Variants in ARIH1 observed in about 807,000 individuals in gnomAD.
The protein encoded by ARIH1 is E3 ubiquitin-protein ligase ARIH1.
Under a neutral mutation model 85.0 loss-of-function variants are expected in ARIH1, and 8 were observed. The ratio of observed to expected loss-of-function variants is 0.09; its 90% CI spans 0.06 to 0.17. The LOEUF is 0.17. Among genes scored for constraint, ARIH1 ranks in the 10% least tolerant of loss-of-function variants. ARIH1 has a pLI of 1.00. For synonymous variants in ARIH1, 238 were observed against 253.6 expected (o/e 0.94, Z 0.59); for missense variants, 311 against 718.1 (o/e 0.43, Z 6.48).
chr15:72,570,441 T>A, intron 10 of ARIH1, 134 bp downstream of exon 10: 1 of 1,143,492 alleles, frequency 8.7e-7, no homozygotes, highest in South Asian at 1.6e-5. Flanking sequence ...ATTAATGTTA[T>A]AAGTCTATGC....
At position 72,586,200 on chromosome 15, in the gene ARIH1, A is replaced by G. The variant is rs1164227879; in HGVS notation, c.*2908A>G. ...TACACGTGTATACATACACCCATATACAACAGATCCAAGACTGGCTGACTT... is the reference window on the plus strand; with the variant it reads ...TACACGTGTATACATACACCCATATGCAACAGATCCAAGACTGGCTGACTT... On this transcript the variant is annotated 3_prime_UTR_variant, in exon 14 of 14. Transcript: ENST00000379887. 3 of 152,228 alleles carry G rather than the reference A, an allele frequency of 2.0e-5. No individual in the cohort carries two copies. The highest frequency in any genetic ancestry group is 4.8e-5 in the African/African-American group (2 of 41,468). 9.4% of individuals were successfully genotyped at this position (152,228 alleles called of 1,614,324 possible).
At position 72,474,596 on chromosome 15, in the gene ARIH1, T is replaced by C. The variant is rs950118252; in HGVS notation, c.-44T>C. On this transcript the variant is annotated 5_prime_UTR_variant, in exon 1 of 14. Transcript: ENST00000379887. ...CCGGGGCCTCGGCGTCCCCGCCCTC[T>C]CCCCGCCTCGGCCAGCGTCCGCCGG... 1 of 1,489,396 alleles carries C rather than the reference T, an allele frequency of 6.7e-7. No individual in the cohort carries two copies. Among genetic ancestry groups the C allele is most frequent in the Non-Finnish European group, 8.9e-7 (1 of 1,122,350 alleles). The allele number at this position is 1,489,396 out of a possible 1,614,324, so 92.3% of individuals were successfully genotyped here.
intron 1 of ARIH1, among the ~76,000 whole-genome samples, chr15:72,487,935 A>T: frequency 6.6e-6 from 1 of 152,088 alleles, no homozygotes. Context: ...TATCACCCCC[A>T]GTTGCACTGT....
chr15:72,539,500 T>C (rs1254756499), intron 2 of ARIH1, among the ~76,000 whole-genome samples: 1 of 151,088 alleles, frequency 6.6e-6, no homozygotes, highest in Non-Finnish European at 1.5e-5. Context: ...CTTCAAACCA[T>C]GTTGATAGCA....
chr15:72,543,033 A>C (rs2064114740), intron 2 of ARIH1, among the ~76,000 whole-genome samples: 1 of 151,476 alleles, frequency 6.6e-6, no homozygotes, highest in South Asian at 2.1e-4. Flanking sequence ...CCTGGATTCA[A>C]GCGGTTCTCA....
Position 72,513,100 on chromosome 15 carries a change from A to G in ARIH1, c.376-4967A>G, listed in dbSNP as rs2063957386. Among the ~76,000 whole-genome samples, 3 of 152,162 alleles carry G rather than the reference A, an allele frequency of 2.0e-5. 1 individual carries two copies. In the South Asian group the frequency reaches 6.2e-4, roughly 32 times the overall value. On this transcript the variant is annotated intron_variant, in intron 1 of 13. Transcript: ENST00000379887. ...CAGCATAGAGTTTTGCCCTTTTTAA[A>G]AAAAAGATCTGAGCGGTTGCCCTGC...
chr15:72,524,862 G>C (rs1335900969), intron 2 of ARIH1, among the ~76,000 whole-genome samples: 1 of 152,034 alleles, frequency 6.6e-6, no homozygotes, highest in Non-Finnish European at 1.5e-5. Context: ...AATAATGATT[G>C]AATCAACGAC....
intron 1 of ARIH1, among the ~76,000 whole-genome samples, chr15:72,489,508 G>A (rs780707439): frequency 2.0e-5 from 3 of 152,074 alleles, no homozygotes; most frequent in East Asian, 1.9e-4. Context: ...AAAAAAATAC[G>A]TTTCACTTAA....
chr15:72,528,483 A>G (rs1455397010), intron 2 of ARIH1, among the ~76,000 whole-genome samples: 1 of 152,222 alleles, frequency 6.6e-6, no homozygotes, highest in Non-Finnish European at 1.5e-5. Context: ...TGGTGAAAGT[A>G]AATTTGGTTT....
At chr15:72,554,394 T>G (rs989231368) in intron 3 of ARIH1, among the ~76,000 whole-genome samples, 4 of 151,460 alleles carry the variant, frequency 2.6e-5, no homozygotes, top group African/African-American at 7.3e-5. Context: ...TAATATTGGC[T>G]TTTTTTTTCC....
intron 1 of ARIH1, among the ~76,000 whole-genome samples, chr15:72,502,520 T>C (rs1331120746): frequency 2.0e-5 from 3 of 152,178 alleles, no homozygotes; most frequent in Admixed American, 6.5e-5. Context: ...CCAAGAGTAA[T>C]GAGTGGCTGG....
intron 6 of ARIH1, among the ~76,000 whole-genome samples, chr15:72,562,146 T>G (rs918785300): frequency 3.9e-5 from 6 of 152,196 alleles, no homozygotes; most frequent in African/African-American, 1.4e-4. Flanking sequence ...TTAATCATGT[T>G]TGAGATTCTA....
At chr15:72,519,981 A>G (rs1185155062) in intron 2 of ARIH1, among the ~76,000 whole-genome samples, 1 of 152,202 alleles carries the variant, frequency 6.6e-6, no homozygotes, top group Non-Finnish European at 1.5e-5. Flanking sequence ...ATTTTATCCT[A>G]TAACACTGCT....
chr15:72,493,362 A>C (rs1295760600), intron 1 of ARIH1, among the ~76,000 whole-genome samples: 3 of 152,070 alleles, frequency 2.0e-5, no homozygotes, highest in Non-Finnish European at 1.5e-5. Flanking sequence ...CTGCACTGGT[A>C]TTTTGGATTG....
At chr15:72,479,410 CTTTT>C (rs571973932) in intron 1 of ARIH1, among the ~76,000 whole-genome samples, 1 of 144,776 alleles carries the variant, frequency 6.9e-6, no homozygotes, top group Non-Finnish European at 1.5e-5. Context: ...TGCTAAATAA[CTTTT>C]TTTTTTTTTG....
intron 1 of ARIH1, among the ~76,000 whole-genome samples, chr15:72,487,107 T>C (rs1414509251): frequency 1.3e-5 from 2 of 152,090 alleles, no homozygotes; most frequent in Non-Finnish European, 2.9e-5. Context: ...AATATTGTTG[T>C]GTAGTATTGT....
Position 72,482,396 on chromosome 15 carries a change from T to C in ARIH1, c.375+7382T>C, listed in dbSNP as rs79758869. Among the ~76,000 whole-genome samples, 907 of 152,306 alleles carry C rather than the reference T, an allele frequency of 6.0e-3. 9 individuals are homozygous for C. Among genetic ancestry groups the C allele is most frequent in the African/African-American group, 0.021 (877 of 41,564 alleles). On this transcript the variant is annotated intron_variant, in intron 1 of 13. Coordinates refer to ENST00000379887, the MANE Select transcript of ARIH1 (RefSeq NM_005744.5). Reference sequence around the variant, plus strand: ...AGTAATTTAAATAAGTGGATAGTAATAGATACTCATGGAAGAGACCTCTGT... The same window carrying C: ...AGTAATTTAAATAAGTGGATAGTAACAGATACTCATGGAAGAGACCTCTGT...
At chr15:72,501,950 C>G (rs2063905635) in intron 1 of ARIH1, among the ~76,000 whole-genome samples, 1 of 152,092 alleles carries the variant, frequency 6.6e-6, no homozygotes, top group Non-Finnish European at 1.5e-5. Flanking sequence ...AAAATCTTGC[C>G]TGAATGGAGT....
chr15:72,566,963 T>A, intron 8 of ARIH1, 143 bp from the exon 9 acceptor site: 1 of 631,462 alleles, frequency 1.6e-6, no homozygotes, highest in Non-Finnish European at 2.7e-6. Context: ...CTATGGGATT[T>A]CCCTGGCTTA....
Sources: gnomAD v4.1 joint callset for allele counts (sites outside exome capture counted in the v4.1 genomes callset) on GRCh38, gnomAD v4.1.1 for gene constraint, MANE v1.5 for transcripts, NCBI Gene and HGNC (gene_info 2026-07-23, HGNC 2026-07-21) for gene names.